BCKDHB: variants seen among roughly 807,000 people sequenced by gnomAD.
BCKDHB encodes 2-oxoisovalerate dehydrogenase subunit beta, mitochondrial.
BCKDHB carries 41 observed loss-of-function variants against 48.5 expected under a neutral mutation model. That is an observed-to-expected ratio of 0.85 (90% confidence interval 0.66 to 1.10). The LOEUF (loss-of-function observed/expected upper bound fraction) is 1.10, where lower values mean the gene tolerates loss of function less well. Among genes scored for constraint, BCKDHB ranks in the 50% least tolerant of loss-of-function variants. The pLI is 0.00. For missense variants in BCKDHB, 496 were observed against 494.2 expected (o/e 1.00, Z -0.03); for synonymous variants, 201 against 174.8 (o/e 1.15, Z -1.18).
At chr6:80,204,157 G>A (rs1022898184) in intron 8 of BCKDHB, among the ~76,000 whole-genome samples, 9 of 151,994 alleles carry the variant, frequency 5.9e-5, no homozygotes, top group Admixed American at 2.0e-4. Context: ...AGCTTTTACA[G>A]GCTCTTTCTT....
chr6:80,244,968 T>C (rs1427416576), intron 8 of BCKDHB, among the ~76,000 whole-genome samples: 2 of 152,236 alleles, frequency 1.3e-5, no homozygotes, highest in Non-Finnish European at 2.9e-5. Context: ...AAACTTTTGT[T>C]GAGCATCTAC....
the BCKDHB span, among the ~76,000 whole-genome samples, chr6:80,464,184 GT>G: frequency 6.6e-6 from 1 of 152,066 alleles, no homozygotes; most frequent in Admixed American, 6.5e-5. Flanking sequence ...CTGGAGTGCA[GT>G]GGCGCGATCT....
At chr6:80,315,266 C>A (rs76754797) in intron 9 of BCKDHB, among the ~76,000 whole-genome samples, 6,437 of 152,180 alleles carry the variant, frequency 0.042, 455 homozygotes, top group African/African-American at 0.15. Flanking sequence ...GTGTGTTGGA[C>A]CCAAGGCCCT....
the BCKDHB span, among the ~76,000 whole-genome samples, chr6:80,393,822 A>T: frequency 9.9e-5 from 15 of 152,130 alleles, no homozygotes; most frequent in Non-Finnish European, 1.8e-4. Flanking sequence ...CCTGGACCTC[A>T]TGTATTCCTC....
intron 3 of BCKDHB, among the ~76,000 whole-genome samples, chr6:80,150,589 C>T (rs1298038695): frequency 1.6e-5 from 2 of 126,324 alleles, no homozygotes; most frequent in South Asian, 2.6e-4. Context: ...TGGAGCCTTG[C>T]TCTGTCATCC....
At chr6:80,437,332 T>C in the BCKDHB span, among the ~76,000 whole-genome samples, 5 of 152,236 alleles carry the variant, frequency 3.3e-5, no homozygotes, top group Non-Finnish European at 5.9e-5. Context: ...AGATTACTCA[T>C]GTATGCATTC....
At chr6:80,307,005 A>T (rs772352009) in intron 9 of BCKDHB, among the ~76,000 whole-genome samples, 3 of 152,182 alleles carry the variant, frequency 2.0e-5, no homozygotes, top group Non-Finnish European at 4.4e-5. Flanking sequence ...TATCCCAGAT[A>T]TGTTCCTCAT....
intron 8 of BCKDHB, among the ~76,000 whole-genome samples, chr6:80,236,309 C>T (rs1776144461): frequency 6.6e-6 from 1 of 152,132 alleles, no homozygotes; most frequent in Non-Finnish European, 1.5e-5. Flanking sequence ...CTGTTTTATA[C>T]AATTTTGTAT....
At chr6:80,166,732 T>C (rs2127772276) in intron 3 of BCKDHB, among the ~76,000 whole-genome samples, 1 of 152,274 alleles carries the variant, frequency 6.6e-6, no homozygotes, top group East Asian at 1.9e-4. Context: ...TACACTATGG[T>C]CAGAGAATAT....
At chr6:80,187,038 A>G (rs1773675996) in intron 6 of BCKDHB, among the ~76,000 whole-genome samples, 1 of 152,130 alleles carries the variant, frequency 6.6e-6, no homozygotes, top group African/African-American at 2.4e-5. Context: ...TTTTCCTGGT[A>G]GGTTCCTGTG....
chr6:80,152,171 T>G (rs558293758), intron 3 of BCKDHB, among the ~76,000 whole-genome samples: 9 of 149,242 alleles, frequency 6.0e-5, no homozygotes, highest in African/African-American at 1.9e-4. Context: ...TTTTTTTTTT[T>G]AATCTGTTTA....
intron 9 of BCKDHB, among the ~76,000 whole-genome samples, chr6:80,308,907 C>T (rs1004702464): frequency 2.6e-5 from 4 of 151,878 alleles, no homozygotes; most frequent in Admixed American, 2.0e-4. Flanking sequence ...ACTTGCCTTG[C>T]CATTCACATG....
At chr6:80,277,809 CAT>C (rs943363403) in intron 9 of BCKDHB, among the ~76,000 whole-genome samples, 1 of 151,880 alleles carries the variant, frequency 6.6e-6, no homozygotes, top group African/African-American at 2.4e-5. Context: ...TGGATACCAA[CAT>C]ATATTTTTTA....
intron 9 of BCKDHB, among the ~76,000 whole-genome samples, chr6:80,329,965 G>A (rs1013061866): frequency 6.6e-6 from 1 of 152,156 alleles, no homozygotes; most frequent in Non-Finnish European, 1.5e-5. Context: ...AAACATGAAT[G>A]CATTTTTAAA....
chr6:80,232,766 T>C (rs367969821), intron 8 of BCKDHB, among the ~76,000 whole-genome samples: 62 of 34,596 alleles, frequency 1.8e-3, no homozygotes, highest in Admixed American at 7.9e-3. Flanking sequence ...GTTATAGATA[T>C]AACATCTATA....
chr6:80,130,354 A>C (rs2127729246), intron 3 of BCKDHB, among the ~76,000 whole-genome samples: 1 of 152,098 alleles, frequency 6.6e-6, no homozygotes, highest in Non-Finnish European at 1.5e-5. Context: ...GGGTCTTTAA[A>C]ATTTTTTTTT....
chr6:80,429,663 G>A, the BCKDHB span, among the ~76,000 whole-genome samples: 94 of 152,232 alleles, frequency 6.2e-4, no homozygotes, highest in Middle Eastern at 3.4e-3. Context: ...CTCATGATTT[G>A]GCTCTGTTTG....
At chr6:80,216,529 T>G (rs1775179212) in intron 8 of BCKDHB, among the ~76,000 whole-genome samples, 1 of 152,236 alleles carries the variant, frequency 6.6e-6, no homozygotes, top group Non-Finnish European at 1.5e-5. Flanking sequence ...ACATCCCACC[T>G]GATGTGTTTT....
intron 9 of BCKDHB, among the ~76,000 whole-genome samples, chr6:80,283,902 T>C (rs186195310): frequency 3.9e-5 from 6 of 152,258 alleles, no homozygotes; most frequent in Non-Finnish European, 5.9e-5. Flanking sequence ...CTGATTCTCT[T>C]GGCCACCTTG....
Sources: allele counts gnomAD v4.1 joint callset (sites outside exome capture counted in the v4.1 genomes callset), GRCh38; gene constraint gnomAD v4.1.1; transcripts MANE v1.5; gene names NCBI Gene and HGNC (gene_info 2026-07-23, HGNC 2026-07-21).